NCOA2: variants seen among roughly 807,000 people sequenced by gnomAD.
The protein encoded by NCOA2 is nuclear receptor coactivator 2, also known as class E basic helix-loop-helix protein 75.
NCOA2 carries 21 observed loss-of-function variants against 145.1 expected under a neutral mutation model. That is an observed-to-expected ratio of 0.14 (90% CI 0.10 to 0.21). NCOA2 has a LOEUF of 0.21. Among genes scored for constraint, NCOA2 ranks in the 10% least tolerant of loss-of-function variants. The pLI, the probability that NCOA2 is intolerant of heterozygous loss-of-function variation, is 1.00. For synonymous variants in NCOA2, 619 were observed against 637.5 expected, an observed-to-expected ratio of 0.97 and a Z score of 0.44; for missense variants, 1,472 against 1,837.6, an observed-to-expected ratio of 0.80 and a Z score of 3.64.
At chr8:70,338,800 C>CA (rs1205810575) in intron 1 of NCOA2, among the ~76,000 whole-genome samples, 2 of 152,092 alleles carry the variant, frequency 1.3e-5, no homozygotes, top group Non-Finnish European at 2.9e-5. Context: ...TCAATACACA[C>CA]AAAACAGTAA....
intron 4 of NCOA2, 105 bp from the exon 5 acceptor site, chr8:70,174,964 A>G (rs1419496261): frequency 2.0e-6 from 2 of 994,336 alleles, no homozygotes; most frequent in African/African-American, 1.6e-5. Flanking sequence ...TAGTGGGATC[A>G]GATGCAGCTA....
intron 1 of NCOA2, among the ~76,000 whole-genome samples, chr8:70,304,917 TG>T (rs1743360983): frequency 6.6e-6 from 1 of 150,434 alleles, no homozygotes; most frequent in Non-Finnish European, 1.5e-5. Flanking sequence ...AGTGCTGTGG[TG>T]CAACCACAGC....
chr8:70,230,518 C>T (rs781098753), intron 2 of NCOA2, among the ~76,000 whole-genome samples: 12 of 152,026 alleles, frequency 7.9e-5, no homozygotes, highest in Non-Finnish European at 1.6e-4. Context: ...AGAACAAAAC[C>T]AACAGGCTTA....
chr8:70,267,564 ATTT>A (rs1824720253), intron 2 of NCOA2, among the ~76,000 whole-genome samples: 1 of 150,780 alleles, frequency 6.6e-6, no homozygotes, highest in South Asian at 2.1e-4. Flanking sequence ...TGCCCGGCTA[ATTT>A]TTTATTTTTT....
At chr8:70,435,318 G>T in the NCOA2 span, among the ~76,000 whole-genome samples, 1 of 148,960 alleles carries the variant, frequency 6.7e-6, no homozygotes, top group East Asian at 2.0e-4. Context: ...CCAGCTACTC[G>T]GGAGGCTGAG....
chr8:70,194,433 G>A (rs1258166648), intron 4 of NCOA2, among the ~76,000 whole-genome samples: 2 of 152,154 alleles, frequency 1.3e-5, no homozygotes, highest in Non-Finnish European at 2.9e-5. Flanking sequence ...CCCAAAATGG[G>A]AGAGAACACC....
At chr8:70,230,176 A>G (rs1019475758) in intron 2 of NCOA2, among the ~76,000 whole-genome samples, 2 of 152,224 alleles carry the variant, frequency 1.3e-5, no homozygotes, top group Admixed American at 6.5e-5. Flanking sequence ...TGACGTTTCC[A>G]GCAGTGTAGG....
chr8:70,426,077 C>G, the NCOA2 span, among the ~76,000 whole-genome samples: 3 of 152,116 alleles, frequency 2.0e-5, no homozygotes, highest in East Asian at 3.9e-4. Context: ...GCTAAGTAAA[C>G]AGCAAAACTC....
chr8:70,239,915 GA>G (rs1220402756), intron 2 of NCOA2, among the ~76,000 whole-genome samples: 1 of 152,206 alleles, frequency 6.6e-6, no homozygotes, highest in African/African-American at 2.4e-5. Flanking sequence ...AGGCAGAGCA[GA>G]AGCAGACTGA....
At chr8:70,159,242 A>ATTTTTTTTTTTT (rs763150293) in intron 10 of NCOA2, among the ~76,000 whole-genome samples, 1 of 61,074 alleles carries the variant, frequency 1.6e-5, no homozygotes, top group African/African-American at 5.4e-5. Flanking sequence ...ATATATATAT[A>ATTTTTTTTTTTT]TTTTTTTTTT....
Position 70,124,034 on chromosome 8 carries a change from G to C in NCOA2, c.4143C>G (p.Thr1381=). The C allele has an allele frequency of 6.2e-7, 1 of 1,613,918 alleles. No homozygotes were observed. Among genetic ancestry groups the C allele is most frequent in the Non-Finnish European group, 8.5e-7 (1 of 1,179,844 alleles). Residue 1381 remains threonine, a synonymous_variant, in exon 21 of 23, where the codon ACC becomes ACG. Coordinates refer to ENST00000452400, the MANE Select transcript of NCOA2 (RefSeq NM_006540.4). ...TGTTCATGTTGTTACTGTACATGCT[G>C]GTGTTTGCTTGCTGCCCAAAGTGTG... The part of the protein sequence containing the change: ...SPPHFGQQAN[T]SMYSNNMNIN...
chr8:70,319,483 A>G (rs969607794), intron 1 of NCOA2, among the ~76,000 whole-genome samples: 3 of 152,058 alleles, frequency 2.0e-5, no homozygotes, highest in Non-Finnish European at 4.4e-5. Context: ...TGGAGGTTAC[A>G]GTGAGCCGTG....
At chr8:70,185,892 T>C (rs1456384266) in intron 4 of NCOA2, among the ~76,000 whole-genome samples, 1 of 152,182 alleles carries the variant, frequency 6.6e-6, no homozygotes, top group Non-Finnish European at 1.5e-5. Flanking sequence ...GAGTTTACCA[T>C]TTCTTGTGAT....
chr8:70,193,746 C>T (rs1000739333), intron 4 of NCOA2, among the ~76,000 whole-genome samples: 5 of 152,152 alleles, frequency 3.3e-5, no homozygotes, highest in South Asian at 2.1e-4. Context: ...TGGTGGTATG[C>T]GCATGCCCAT....
chr8:70,419,102 TA>T, the NCOA2 span, among the ~76,000 whole-genome samples: 1,572 of 132,584 alleles, frequency 0.012, 20 homozygotes, highest in Middle Eastern at 0.031. Context: ...TAGGATTTTA[TA>T]AAAAAAAAAA....
chr8:70,199,082 GAGA>G (rs1413513288), intron 4 of NCOA2, among the ~76,000 whole-genome samples: 5 of 152,116 alleles, frequency 3.3e-5, no homozygotes, highest in African/African-American at 4.8e-5. Context: ...AATTTTATTT[GAGA>G]AGAAGAAAGG....
At chr8:70,154,793 G>A (rs1157678345) in intron 11 of NCOA2, among the ~76,000 whole-genome samples, 1 of 152,156 alleles carries the variant, frequency 6.6e-6, no homozygotes, top group South Asian at 2.1e-4. Flanking sequence ...GATTTGGGGT[G>A]GAAGGTTGAG....
At chr8:70,428,998 A>G in the NCOA2 span, among the ~76,000 whole-genome samples, 1 of 152,224 alleles carries the variant, frequency 6.6e-6, no homozygotes. Flanking sequence ...GCTGATGTCA[A>G]TATTTAACTA....
At chr8:70,138,861 T>A (rs1377499089) in intron 14 of NCOA2, among the ~76,000 whole-genome samples, 1 of 152,266 alleles carries the variant, frequency 6.6e-6, no homozygotes, top group Non-Finnish European at 1.5e-5. Flanking sequence ...TCATCTTCTG[T>A]GATATCATAT....
Sources: allele counts gnomAD v4.1 joint callset (sites outside exome capture counted in the v4.1 genomes callset), GRCh38; gene constraint gnomAD v4.1.1; transcripts MANE v1.5; gene names NCBI Gene and HGNC (gene_info 2026-07-23, HGNC 2026-07-21).